SMCHD1: variants seen among roughly 807,000 people sequenced by gnomAD.
SMCHD1 encodes structural maintenance of chromosomes flexible hinge domain containing 1.
Under a neutral mutation model 254.7 loss-of-function variants are expected in SMCHD1, and 78 were observed. The ratio of observed to expected loss-of-function variants is 0.31; its 90% CI spans 0.26 to 0.37. The LOEUF is 0.37. Ranked by LOEUF, SMCHD1 falls within the 10% of genes least tolerant of loss-of-function variation. SMCHD1 has a pLI of 1.00. For missense variants in SMCHD1, 1,840 were observed against 2,408.1 expected, an observed-to-expected ratio of 0.76 and a Z score of 4.94; for synonymous variants, 766 against 794.9, an observed-to-expected ratio of 0.96 and a Z score of 0.61.
At chr18:2,748,391 T>A (rs1360967541) in intron 30 of SMCHD1, among the ~76,000 whole-genome samples, 2 of 80 alleles carry the variant, frequency 0.025, no homozygotes, top group African/African-American at 0.067. Context: ...TGTATATAAA[T>A]TTTTTTTTTT....
At chr18:2,729,975 A>G (rs938936611) in intron 24 of SMCHD1, among the ~76,000 whole-genome samples, 2 of 152,032 alleles carry the variant, frequency 1.3e-5, no homozygotes, top group African/African-American at 2.4e-5. Context: ...TGGCCACCCA[A>G]AGTGCTGAAG....
intron 41 of SMCHD1, among the ~76,000 whole-genome samples, chr18:2,774,340 G>A (rs2076031932): frequency 6.6e-6 from 1 of 152,014 alleles, no homozygotes; most frequent in African/African-American, 2.4e-5. Flanking sequence ...TTTTTTGCAT[G>A]TTCATTTTCT....
intron 20 of SMCHD1, 133 bp downstream of exon 20, chr18:2,722,796 C>G (rs1357600858): frequency 1.3e-6 from 1 of 742,152 alleles, no homozygotes; most frequent in Non-Finnish European, 2.0e-6. Flanking sequence ...TTTATTATAT[C>G]TGGGTAATTT....
chr18:2,706,999 T>G (rs2074530571), intron 15 of SMCHD1, among the ~76,000 whole-genome samples: 2 of 152,064 alleles, frequency 1.3e-5, no homozygotes, highest in Admixed American at 6.6e-5. Flanking sequence ...TCAAACACTT[T>G]AAAAATCATC....
chr18:2,779,358 G>A (rs1035899050), intron 44 of SMCHD1, among the ~76,000 whole-genome samples: 10 of 152,136 alleles, frequency 6.6e-5, no homozygotes, highest in Non-Finnish European at 1.5e-4. Context: ...ATGTCTGCTA[G>A]GGTTATTGTT....
intron 1 of SMCHD1, among the ~76,000 whole-genome samples, chr18:2,660,681 CCAGGGTGGT>C (rs1351439964): frequency 9.3e-4 from 140 of 149,802 alleles, no homozygotes; most frequent in African/African-American, 3.4e-3. Context: ...ACCATGTTGG[CCAGGGTGGT>C]CTGGAACTCC....
intron 7 of SMCHD1, among the ~76,000 whole-genome samples, chr18:2,689,327 C>T (rs1005203557): frequency 7.3e-5 from 11 of 150,094 alleles, no homozygotes; most frequent in Admixed American, 4.7e-4. Context: ...AAGATATTCT[C>T]CTGCCTCAGC....
intron 17 of SMCHD1, among the ~76,000 whole-genome samples, chr18:2,710,134 G>A (rs574586126): frequency 1.3e-5 from 2 of 152,230 alleles, no homozygotes; most frequent in African/African-American, 4.8e-5. Context: ...AGTTTTTCCA[G>A]CACCATTTGT....
chr18:2,796,396 C>T lies in SMCHD1; in HGVS notation c.5879-11C>T, dbSNP rs1342252277. ...TGTAAATTTAACTTTCTACATTTTC[C>T]ATCTTCACAGGTATGACTCCCATAC... On this transcript the variant is annotated splice_polypyrimidine_tract_variant and intron_variant, in intron 46 of 47. Transcript: ENST00000320876. The T allele has an allele frequency of 3.4e-6, 5 of 1,491,182 alleles. No individual in the cohort carries two copies. In the East Asian group the frequency reaches 7.1e-5, roughly 21 times the overall value. 92.4% of individuals were successfully genotyped at this position (1,491,182 alleles called of 1,614,324 possible).
chr18:2,708,212 GTAT>G (rs554638598), intron 17 of SMCHD1, among the ~76,000 whole-genome samples: 28 of 151,792 alleles, frequency 1.8e-4, no homozygotes, highest in African/African-American at 2.4e-4. Flanking sequence ...AAGCATATAT[GTAT>G]TATTACAGTT....
chr18:2,781,765 G>A (rs2076160781), intron 44 of SMCHD1, among the ~76,000 whole-genome samples: 2 of 152,064 alleles, frequency 1.3e-5, no homozygotes, highest in Admixed American at 1.3e-4. Context: ...TTAAGAATTT[G>A]TGAATTAAAA....
chr18:2,664,893 T>G (rs1287791014), intron 1 of SMCHD1, among the ~76,000 whole-genome samples: 1 of 152,232 alleles, frequency 6.6e-6, no homozygotes, highest in Non-Finnish European at 1.5e-5. Flanking sequence ...GTAAATAATT[T>G]GTTCTTTCCC....
intron 5 of SMCHD1, among the ~76,000 whole-genome samples, chr18:2,679,480 C>CAAAAAAAAGA (rs1555628379): frequency 1.0e-4 from 6 of 58,676 alleles, no homozygotes; most frequent in African/African-American, 2.5e-4. Flanking sequence ...ACTCCATCTC[C>CAAAAAAAAGA]AAAAAAAAAA....
At chr18:2,658,344 G>T (rs2073136673) in intron 1 of SMCHD1, among the ~76,000 whole-genome samples, 2 of 152,150 alleles carry the variant, frequency 1.3e-5, no homozygotes, top group Admixed American at 6.5e-5. Flanking sequence ...AAACACAGTC[G>T]TGGAAATGGT....
At chr18:2,783,791 T>G (rs1235106878) in intron 44 of SMCHD1, among the ~76,000 whole-genome samples, 1 of 152,122 alleles carries the variant, frequency 6.6e-6, no homozygotes, top group African/African-American at 2.4e-5. Flanking sequence ...CAGGCTGGTC[T>G]CGAACTCCTG....
Position 2,656,239 on chromosome 18 carries a change from G to A in SMCHD1, c.164G>A (p.Gly55Glu), listed in dbSNP as rs530954707. 2.0e-6 allele frequency: 3 copies of A among 1,503,000 alleles called. No homozygotes were observed. The highest frequency in any genetic ancestry group is 2.7e-5 in the Admixed American group (1 of 36,578). 93.1% of individuals were successfully genotyped at this position (1,503,000 alleles called of 1,614,324 possible). A position where few individuals can be genotyped will look rare whatever the true frequency, so the allele number is the denominator to read the frequency against. The change falls in exon 1 of 48, where the codon GGA (glycine) becomes GAA (glutamate). Residue 55 changes from glycine to glutamate, a missense_variant. By Grantham distance (98) the Gly-to-Glu change is moderately conservative (BLOSUM62 -2). This residue lies in a region of SMCHD1 where 115 missense variants were observed against 99.1 expected (regional missense o/e 1.16). Coordinates refer to ENST00000320876, the MANE Select transcript of SMCHD1 (RefSeq NM_015295.3). ...GTCGGGGAGCGCTCGGACTACGCGG[G>A]ATTTCGCGCGTGTGTGTGTCAGGTA... ...LQVGERSDYA[G>E]FRACVCQTLG...
Position 2,718,147 on chromosome 18 carries a change from CTT to C in SMCHD1, c.2261-8_2261-7del. The stretch of plus-strand genomic sequence containing the variant: ...CTCAAGACACTATTGTTTCTTTTTT[CTT>C]TTATTAAGCTTCAAGTGGAAATAAA... On this transcript the variant is annotated splice_polypyrimidine_tract_variant and intron_variant, in intron 17 of 47. Transcript: ENST00000320876. This position sits in a 1 kb window ranked among gnomAD's most constrained non-coding sequence, Gnocchi z 4.6. 1.3e-6 allele frequency: 2 copies of C among 1,588,678 alleles called. No homozygotes were observed. The highest frequency in any genetic ancestry group is 1.7e-6 in the Non-Finnish European group (2 of 1,165,794).
At chr18:2,705,392 G>T (rs1466130967) in intron 13 of SMCHD1, among the ~76,000 whole-genome samples, 1 of 152,138 alleles carries the variant, frequency 6.6e-6, no homozygotes, top group Non-Finnish European at 1.5e-5. Context: ...AAAGGTTTCA[G>T]ATATGTTGGC....
At chr18:2,733,123 T>C (rs2075174708) in intron 25 of SMCHD1, among the ~76,000 whole-genome samples, 1 of 152,204 alleles carries the variant, frequency 6.6e-6, no homozygotes, top group African/African-American at 2.4e-5. Flanking sequence ...TAGCATTCCT[T>C]TGATGGTTGA....
Sources: allele counts gnomAD v4.1 joint callset (sites outside exome capture counted in the v4.1 genomes callset), GRCh38; gene constraint gnomAD v4.1.1; regional missense constraint gnomAD v4.1.1; non-coding constraint Gnocchi (gnomAD v3.1); transcripts MANE v1.5; gene names NCBI Gene and HGNC (gene_info 2026-07-23, HGNC 2026-07-21).